The following SIM1 variants were observed in gnomAD, a reference collection of about 807,000 sequenced individuals.
SIM1 encodes SIM bHLH transcription factor 1.
In SIM1, 18 loss-of-function variants were observed where a neutral mutation model predicts 78.2. That is an observed-to-expected ratio of 0.23 (90% CI 0.16 to 0.34). The LOEUF is 0.34. Among genes scored for constraint, SIM1 ranks in the 10% least tolerant of loss-of-function variants. The probability of loss-of-function intolerance (pLI) is 1.00; values close to 1 mark genes in which losing one functional copy is unlikely to be tolerated. For synonymous variants in SIM1, 417 were observed against 385.2 expected (o/e 1.08, Z -0.97); for missense variants, 939 against 975.1 (o/e 0.96, Z 0.49).
intron 9 of SIM1, among the ~76,000 whole-genome samples, chr6:100,446,203 A>G (rs1327688102): frequency 6.6e-6 from 1 of 152,204 alleles, no homozygotes. Context: ...TCCAACTACT[A>G]CATTTTTAAT....
intron 9 of SIM1, among the ~76,000 whole-genome samples, chr6:100,435,511 T>C (rs949196052): frequency 6.6e-6 from 1 of 152,164 alleles, no homozygotes; most frequent in African/African-American, 2.4e-5. Flanking sequence ...GATGTGAGTC[T>C]GTCTTACTCC....
At chr6:100,422,498 C>T (rs765331575) in intron 9 of SIM1, among the ~76,000 whole-genome samples, 3 of 152,070 alleles carry the variant, frequency 2.0e-5, no homozygotes, top group East Asian at 1.9e-4. Context: ...CCACTGCACC[C>T]GGCCTAAAAC....
At chr6:100,447,234 G>A in intron 9 of SIM1, 34 bp downstream of exon 9, 1 of 1,604,232 alleles carries the variant, frequency 6.2e-7, no homozygotes, top group Non-Finnish European at 8.5e-7. Flanking sequence ...AGGGTCGCCT[G>A]GGGTGGGTGA....
At chr6:100,464,452 G>T (rs1372105486) in intron 1 of SIM1, among the ~76,000 whole-genome samples, 162 bp downstream of exon 1, 4 of 152,190 alleles carry the variant, frequency 2.6e-5, no homozygotes, top group African/African-American at 7.2e-5. Flanking sequence ...CCCAGCAGGG[G>T]CTGCAACAAG....
At chr6:100,400,649 G>A (rs1479729539) in intron 10 of SIM1, among the ~76,000 whole-genome samples, 2 of 152,046 alleles carry the variant, frequency 1.3e-5, no homozygotes, top group African/African-American at 4.8e-5. Flanking sequence ...TGAAGGAATT[G>A]CCTCTGGCCA....
rs74439780 is a variant in SIM1 at position 100,426,727 on chromosome 6, A to G, written c.999-5769T>C. 9.6e-3 allele frequency among the ~76,000 whole-genome samples: 1,469 copies of G among 152,272 alleles called. 24 individuals carry two copies. The highest frequency in any genetic ancestry group is 0.032 in the African/African-American group (1,311 of 41,572). ...TATCAGTTCTTGTTGATTCAAGATT[A>G]TTTGCAAGAACTTTTCTCTTCCACC... On this transcript the variant is annotated intron_variant, in intron 9 of 11. Transcript: ENST00000369208.
At chr6:100,419,761 C>A (rs1002736421) in intron 10 of SIM1, among the ~76,000 whole-genome samples, 1 of 152,134 alleles carries the variant, frequency 6.6e-6, no homozygotes, top group African/African-American at 2.4e-5. Context: ...CCAGTCTCAG[C>A]CTCCTGAGTA....
chr6:100,412,759 A>AAAGAAAAAAGAAAG (rs139161593), intron 10 of SIM1, among the ~76,000 whole-genome samples: 11 of 123,276 alleles, frequency 8.9e-5, no homozygotes, highest in East Asian at 5.2e-4. Flanking sequence ...AAGAAAAAAG[A>AAAGAAAAAAGAAAG]AAAGAAAAAG....
At chr6:100,418,633 A>G (rs1321986202) in intron 10 of SIM1, among the ~76,000 whole-genome samples, 1 of 152,140 alleles carries the variant, frequency 6.6e-6, no homozygotes, top group African/African-American at 2.4e-5. Context: ...TGGGGGTCCA[A>G]TAGGGAGACT....
At chr6:100,427,117 G>C (rs1562246211) in intron 9 of SIM1, 1 of 152,332 alleles carries the variant, frequency 6.6e-6, no homozygotes, top group East Asian at 1.9e-4. Flanking sequence ...TATTCTGGCA[G>C]AGTTACCGCC....
intron 10 of SIM1, among the ~76,000 whole-genome samples, chr6:100,404,542 ATC>A (rs936904173): frequency 1.3e-5 from 2 of 151,702 alleles, no homozygotes; most frequent in African/African-American, 4.8e-5. Flanking sequence ...AATCACTTTT[ATC>A]TTTTTTTTTT....
At chr6:100,430,445 A>G (rs1016695896) in intron 9 of SIM1, among the ~76,000 whole-genome samples, 1 of 152,110 alleles carries the variant, frequency 6.6e-6, no homozygotes, top group Non-Finnish European at 1.5e-5. Context: ...CACAATCTAA[A>G]CCCCTAATTG....
intron 9 of SIM1, among the ~76,000 whole-genome samples, chr6:100,444,584 T>C (rs1466229898): frequency 6.6e-6 from 1 of 152,090 alleles, no homozygotes; most frequent in African/African-American, 2.4e-5. Flanking sequence ...CTCTCCAGAT[T>C]TTCAGAACAT....
chr6:100,463,191 T>C lies in SIM1; in HGVS notation c.175+103A>G. On this transcript the variant is annotated intron_variant, in intron 2 of 11. Transcript: ENST00000369208. ...TAAACTTCCCTTTGCAAAATATATA[T>C]GTAAATATGTATGCATTTCTCTGGT... 11 of 990,862 alleles carry C rather than the reference T, an allele frequency of 1.1e-5. No individual in the cohort carries two copies. The South Asian group carries it at 1.5e-4, about 13-fold the overall frequency. The allele number at this position is 990,862 out of a possible 1,614,324, so 61.4% of individuals were successfully genotyped here.
rs1770515026 is a variant in SIM1, at chr6:100,386,314, T to A, written c.*4047A>T. Reference sequence around the variant, plus strand: ...GACCCCAAAATGGTCAAATGCTCAATTTTCCAAATATCAGCATTCACTCTG... The same window carrying A: ...GACCCCAAAATGGTCAAATGCTCAAATTTCCAAATATCAGCATTCACTCTG... On this transcript the variant is annotated 3_prime_UTR_variant, in exon 12 of 12. Coordinates refer to ENST00000369208, the MANE Select transcript of SIM1 (RefSeq NM_005068.3). 1 of 152,004 alleles carries A rather than the reference T, an allele frequency of 6.6e-6. No individual in the cohort carries two copies. Among genetic ancestry groups the A allele is most frequent in the South Asian group, 2.1e-4 (1 of 4,826 alleles). 9.4% of individuals were successfully genotyped at this position (152,004 alleles called of 1,614,324 possible). A position where few individuals can be genotyped will look rare whatever the true frequency, so the allele number is the denominator to read the frequency against.
At chr6:100,448,900 G>T (rs1772436090) in intron 6 of SIM1, among the ~76,000 whole-genome samples, 1 of 152,194 alleles carries the variant, frequency 6.6e-6, no homozygotes, top group Non-Finnish European at 1.5e-5. Context: ...AAATGCAGAA[G>T]CCTGGCCCCA....
chr6:100,447,272 G>A lies in SIM1; in HGVS notation c.994C>T (p.Leu332Phe), dbSNP rs1014536148. The A allele has an allele frequency of 1.9e-5, 30 of 1,614,060 alleles. No individual in the cohort carries two copies. The highest frequency in any genetic ancestry group is 2.4e-5 in the Non-Finnish European group (28 of 1,180,032). The stretch of plus-strand genomic sequence containing the variant: ...GGGTCTCAGTCTTGCACTCACGTGA[G>A]GACATAGTTGACGCTGACGATACAG... ...PHCIVSVNYV[L>F]TDTEYKGLQL... Residue 332 changes from leucine (L) to phenylalanine (F), a missense_variant, in exon 9 of 12, where the codon CTC becomes TTC. Leu to Phe is a conservative substitution (Grantham distance 22). Coordinates refer to ENST00000369208, the MANE Select transcript of SIM1 (RefSeq NM_005068.3).
chr6:100,459,791 C>T (rs1215429251), intron 2 of SIM1, among the ~76,000 whole-genome samples: 1 of 152,198 alleles, frequency 6.6e-6, no homozygotes, highest in East Asian at 1.9e-4. Flanking sequence ...ATATCTGATC[C>T]TTTCAAAGTT....
At chr6:100,438,777 G>A (rs182311115) in intron 9 of SIM1, among the ~76,000 whole-genome samples, 1 of 152,316 alleles carries the variant, frequency 6.6e-6, no homozygotes, top group East Asian at 1.9e-4. Flanking sequence ...ATATCACTCA[G>A]TCATAAAGAG....
Sources: gnomAD v4.1 joint callset for allele counts (sites outside exome capture counted in the v4.1 genomes callset) on GRCh38, gnomAD v4.1.1 for gene constraint, MANE v1.5 for transcripts, NCBI Gene and HGNC (gene_info 2026-07-23, HGNC 2026-07-21) for gene names.